ARHGEF17: variants seen among roughly 807,000 people sequenced by gnomAD.
ARHGEF17 encodes 164 kDa Rho-specific guanine-nucleotide exchange factor.
A neutral mutation model predicts 174.0 loss-of-function variants in ARHGEF17; 80 were observed. The observed-to-expected ratio is 0.46, with a 90% CI of 0.38 to 0.55. ARHGEF17 has a LOEUF of 0.55. Ranked by LOEUF, ARHGEF17 falls within the 20% of genes least tolerant of loss-of-function variation. The probability of loss-of-function intolerance (pLI) is 0.00; values close to 1 mark genes in which losing one functional copy is unlikely to be tolerated. For synonymous variants in ARHGEF17, 1,311 were observed against 1,189.1 expected (o/e 1.10, Z -2.11); for missense variants, 2,886 against 2,839.7 (o/e 1.02, Z -0.37).
At chr11:73,341,616 C>T (rs1865370485) in intron 1 of ARHGEF17, among the ~76,000 whole-genome samples, 1 of 152,164 alleles carries the variant, frequency 6.6e-6, no homozygotes, top group Admixed American at 6.5e-5. Flanking sequence ...CCGCCCGAAA[C>T]TGGTCTTAAA....
At position 73,365,815 on chromosome 11, in the gene ARHGEF17, T is replaced by C; in HGVS notation, c.5863T>C (p.Cys1955Arg). 6.2e-7 allele frequency: 1 copy of C among 1,613,528 alleles called. No individual in the cohort carries two copies. ...TMPTSPGTVSCPRAPLSPTGL... is the reference protein window; with the variant it reads ...TMPTSPGTVSRPRAPLSPTGL... The stretch of plus-strand genomic sequence containing the variant: ...GCCCACTTCGCCCGGTACTGTCAGC[T>C]GCCCACGGGCACCACTCAGTCCCAC... Residue 1955 changes from cysteine to arginine, a missense_variant, in exon 20 of 21, where the codon TGC becomes CGC. This residue lies in a region of ARHGEF17 where 329 missense variants were observed against 435.2 expected (regional missense o/e 0.76). Coordinates refer to ENST00000263674, the MANE Select transcript of ARHGEF17 (RefSeq NM_014786.4). This position sits in a 1 kb window ranked among gnomAD's most constrained non-coding sequence, Gnocchi z 4.9.
chr11:73,360,503 C>G lies in ARHGEF17; in HGVS notation c.4390C>G (p.Gln1464Glu), dbSNP rs765787662. 6.8e-6 allele frequency: 11 copies of G among 1,613,874 alleles called. No individual in the cohort carries two copies. The highest frequency in any genetic ancestry group is 9.3e-6 in the Non-Finnish European group (11 of 1,180,054). ...PHPDARLGFE[Q>E]AFDEAKRKLA... Reference sequence around the variant, plus strand: ...CCCTGACGCCCGCCTTGGTTTTGAACAGGCCTTCGATGAGGCCAAGAGGAA... The same window carrying G: ...CCCTGACGCCCGCCTTGGTTTTGAAGAGGCCTTCGATGAGGCCAAGAGGAA... Residue 1464 changes from glutamine to glutamate, a missense_variant, in exon 11 of 21, where the codon CAG becomes GAG. Gln to Glu is a conservative substitution (Grantham distance 29). This residue lies in a region of ARHGEF17 where 476 missense variants were observed against 473.1 expected (regional missense o/e 1.01). Transcript: ENST00000263674.
chr11:73,353,160 C>T, intron 3 of ARHGEF17, 148 bp downstream of exon 3: 1 of 1,055,300 alleles, frequency 9.5e-7, no homozygotes, highest in East Asian at 2.6e-5. Flanking sequence ...GACATTGGTA[C>T]TTACCCCAGC....
chr11:73,322,487 C>G (rs1342075403), intron 1 of ARHGEF17, among the ~76,000 whole-genome samples: 1 of 152,240 alleles, frequency 6.6e-6, no homozygotes, highest in Non-Finnish European at 1.5e-5. Context: ...AGAAATCCCC[C>G]CCATGCATCT....
In ARHGEF17 at chr11:73,310,993, C is replaced by T. The variant is rs769299115; in HGVS notation, c.2355C>T (p.Asp785=). Residue 785 remains aspartate, a synonymous_variant, in exon 1 of 21, where the codon GAC becomes GAT. Transcript: ENST00000263674. Reference sequence around the variant, plus strand: ...AGGGCTTGACCAGTGGTCACAGTGACTGGTCTGTGGGCAGTGAAGAGAGCA... The same window carrying T: ...AGGGCTTGACCAGTGGTCACAGTGATTGGTCTGTGGGCAGTGAAGAGAGCA... The part of the protein sequence containing the change: ...MDEGLTSGHS[D]WSVGSEESKG... 1 of 1,614,190 alleles carries T rather than the reference C, an allele frequency of 6.2e-7. No individual in the cohort carries two copies. Among genetic ancestry groups the T allele is most frequent in the Admixed American group, 1.7e-5 (1 of 60,032 alleles).
chr11:73,347,063 G>T, intron 2 of ARHGEF17, 103 bp downstream of exon 2: 1 of 1,138,948 alleles, frequency 8.8e-7, no homozygotes, highest in East Asian at 2.5e-5. Context: ...ACTGAGGCCA[G>T]AGAGCCGTGT....
intron 1 of ARHGEF17, among the ~76,000 whole-genome samples, chr11:73,321,483 C>G (rs1865016595): frequency 1.3e-5 from 2 of 152,330 alleles, no homozygotes; most frequent in South Asian, 4.1e-4. Flanking sequence ...CTGACTCTGA[C>G]CCCTTGCCGG....
At chr11:73,356,006 T>C (rs1308350067) in intron 5 of ARHGEF17, 53 bp downstream of exon 5, 1 of 1,607,964 alleles carries the variant, frequency 6.2e-7, no homozygotes, top group Middle Eastern at 1.7e-4. Flanking sequence ...CATGGGGGGA[T>C]ACAAGGAGGT....
At chr11:73,355,060 G>A (rs1001029999) in intron 3 of ARHGEF17, among the ~76,000 whole-genome samples, 17 of 152,230 alleles carry the variant, frequency 1.1e-4, no homozygotes, top group African/African-American at 4.1e-4. Flanking sequence ...AGGCAGAACT[G>A]GAGCACAGCC....
At chr11:73,314,785 C>A (rs1591718835) in intron 1 of ARHGEF17, among the ~76,000 whole-genome samples, 1 of 152,166 alleles carries the variant, frequency 6.6e-6, no homozygotes, top group East Asian at 1.9e-4. Flanking sequence ...CCCACTGTAG[C>A]CTGGTTGGTC....
intron 1 of ARHGEF17, among the ~76,000 whole-genome samples, chr11:73,341,561 C>T (rs996460391): frequency 4.6e-5 from 7 of 152,178 alleles, no homozygotes; most frequent in Non-Finnish European, 7.3e-5. Context: ...ATCTGCCCGC[C>T]TCAGCCTCCC....
rs754875722 is a variant in ARHGEF17 at position 73,356,366 on chromosome 11, C to T, written c.3840+15C>T. 6 of 1,585,922 alleles carry T rather than the reference C, an allele frequency of 3.8e-6. No homozygotes were observed. Among genetic ancestry groups the T allele is most frequent in the Non-Finnish European group, 8.5e-7 (1 of 1,170,596 alleles). ...GCATGGAGGATGTGCGTGCGCCCTG[C>T]CCCACCCCACCCTACCCCACCCCAC... On this transcript the variant is annotated intron_variant, in intron 6 of 20. Transcript: ENST00000263674.
At chr11:73,329,405 G>GTTTTTTTTTTTTTGGGTTTTT (rs1362065435) in intron 1 of ARHGEF17, among the ~76,000 whole-genome samples, 1 of 44,934 alleles carries the variant, frequency 2.2e-5, no homozygotes, top group Non-Finnish European at 4.3e-5. Flanking sequence ...TTGGGTTTTT[G>GTTTTTTTTTTTTTGGGTTTTT]TTTTTTTTTT....
In ARHGEF17 at chr11:73,367,470, A is replaced by G. The variant is rs538389621; in HGVS notation, c.5996-114A>G. ...CTAACAGAAAGTGGGATTCCCCCAT[A>G]GGAAGTGTGCACATCTTCCTTCCTA... On this transcript the variant is annotated intron_variant, in intron 20 of 20. Coordinates refer to ENST00000263674, the MANE Select transcript of ARHGEF17 (RefSeq NM_014786.4). 2.7e-5 allele frequency: 24 copies of G among 878,438 alleles called. No individual in the cohort carries two copies. In the African/African-American group the frequency reaches 4.0e-4, roughly 15 times the overall value. The allele number at this position is 878,438 out of a possible 1,614,324, so 54.4% of individuals were successfully genotyped here. A position where few individuals can be genotyped will look rare whatever the true frequency, so the allele number is the denominator to read the frequency against.
At chr11:73,317,952 A>T (rs191452181) in intron 1 of ARHGEF17, among the ~76,000 whole-genome samples, 88 of 152,186 alleles carry the variant, frequency 5.8e-4, no homozygotes, top group African/African-American at 2.1e-3. Flanking sequence ...GAGTCAGGAG[A>T]TCAGCTTTGC....
intron 1 of ARHGEF17, among the ~76,000 whole-genome samples, chr11:73,323,721 C>T (rs1449606923): frequency 1.3e-5 from 2 of 152,248 alleles, no homozygotes; most frequent in African/African-American, 2.4e-5. Flanking sequence ...GAGGAATTTC[C>T]GAGGGAATGG....
In ARHGEF17 at chr11:73,368,348, A is replaced by C. The variant is rs901304734; in HGVS notation, c.*568A>C. 1 of 152,544 alleles carries C rather than the reference A, an allele frequency of 6.6e-6. No homozygotes were observed. The highest frequency in any genetic ancestry group is 6.5e-5 in the Admixed American group (1 of 15,306). The allele number at this position is 152,544 out of a possible 1,614,324, so 9.4% of individuals were successfully genotyped here. A position where few individuals can be genotyped will look rare whatever the true frequency, so the allele number is the denominator to read the frequency against. On this transcript the variant is annotated 3_prime_UTR_variant, in exon 21 of 21. Transcript: ENST00000263674. ...AGGGACCCATGCGCCCCTGAGCCCC[A>C]TTCCATTCATACAGACACACACGTA...
chr11:73,360,299 C>T (rs1865714985), intron 10 of ARHGEF17, 21 bp from the exon 11 acceptor site: 1 of 1,612,176 alleles, frequency 6.2e-7, no homozygotes, highest in African/African-American at 1.3e-5. Flanking sequence ...GGGCCTGAGG[C>T]CTGGGCCCTC....
intron 10 of ARHGEF17, 98 bp downstream of exon 10, chr11:73,360,050 A>ACAT (rs1865710903): frequency 1.6e-6 from 2 of 1,231,928 alleles, no homozygotes; most frequent in Admixed American, 2.3e-5. Context: ...GAGGGAAGAG[A>ACAT]CATCCCTTTC....
Sources: gnomAD v4.1 joint callset for allele counts (sites outside exome capture counted in the v4.1 genomes callset) on GRCh38, gnomAD v4.1.1 for gene constraint, gnomAD v4.1.1 regional missense constraint, Gnocchi (gnomAD v3.1) non-coding constraint, MANE v1.5 for transcripts, NCBI Gene and HGNC (gene_info 2026-07-23, HGNC 2026-07-21) for gene names.